Variants in CHRNA7 observed in about 807,000 individuals in gnomAD.
CHRNA7 encodes the protein neuronal acetylcholine receptor subunit alpha-7.
A neutral mutation model predicts 48.0 loss-of-function variants in CHRNA7; 17 were observed. The ratio of observed to expected loss-of-function variants is 0.35; its 90% CI spans 0.24 to 0.53. The LOEUF is 0.53. Ranked by LOEUF, CHRNA7 falls within the 20% of genes least tolerant of loss-of-function variation. The probability of loss-of-function intolerance (pLI) is 0.92; values close to 1 mark genes in which losing one functional copy is unlikely to be tolerated. For synonymous variants in CHRNA7, 75 were observed against 242.3 expected (o/e 0.31, Z 6.41); for missense variants, 155 against 577.7 (o/e 0.27, Z 7.50).
intron 2 of CHRNA7, among the ~76,000 whole-genome samples, chr15:32,083,731 A>G (rs527242394): frequency 2.0e-5 from 3 of 152,346 alleles, no homozygotes; most frequent in Admixed American, 2.0e-4. Flanking sequence ...CTCATATATA[A>G]CAAAAGGTCA....
At chr15:32,100,080 C>T (rs181143000) in intron 2 of CHRNA7, 2 of 152,340 alleles carry the variant, frequency 1.3e-5, no homozygotes, top group Admixed American at 1.3e-4. Context: ...TCCCTGTCAA[C>T]TGCTTACATG....
chr15:32,124,476 G>C (rs576758367), intron 4 of CHRNA7, among the ~76,000 whole-genome samples: 2 of 152,036 alleles, frequency 1.3e-5, no homozygotes, highest in East Asian at 1.9e-4. Context: ...ATAAAACAGT[G>C]GTTAAAACTA....
intron 2 of CHRNA7, among the ~76,000 whole-genome samples, chr15:32,072,758 A>G (rs969237242): frequency 1.3e-5 from 2 of 152,248 alleles, no homozygotes. Context: ...TTCAGAGAAC[A>G]TAAGCCGTAA....
chr15:32,077,898 G>A (rs981600248), intron 2 of CHRNA7, among the ~76,000 whole-genome samples: 16 of 152,140 alleles, frequency 1.1e-4, no homozygotes, highest in Admixed American at 5.9e-4. Context: ...TAAAACAGTG[G>A]TAACTCATTA....
At chr15:32,137,721 T>G (rs1013832701) in intron 4 of CHRNA7, among the ~76,000 whole-genome samples, 1 of 152,240 alleles carries the variant, frequency 6.6e-6, no homozygotes, top group African/African-American at 2.4e-5. Flanking sequence ...TAAAAACATT[T>G]AGCATGTGTG....
At chr15:32,087,492 T>C (rs1030464782) in intron 2 of CHRNA7, among the ~76,000 whole-genome samples, 3 of 152,206 alleles carry the variant, frequency 2.0e-5, no homozygotes, top group African/African-American at 4.8e-5. Flanking sequence ...TTCATTGCCA[T>C]TGGGGCGTCA....
chr15:32,037,139 T>C (rs1478653950), intron 2 of CHRNA7, among the ~76,000 whole-genome samples: 1 of 152,200 alleles, frequency 6.6e-6, no homozygotes, highest in Non-Finnish European at 1.5e-5. Context: ...CATTTATCTT[T>C]TTGCATGTGA....
At chr15:32,139,258 A>G (rs1025389219) in intron 4 of CHRNA7, among the ~76,000 whole-genome samples, 4 of 152,166 alleles carry the variant, frequency 2.6e-5, no homozygotes, top group African/African-American at 4.8e-5. Flanking sequence ...CAGTTAGTTT[A>G]TCCATTTCAC....
chr15:32,052,392 C>T (rs938238854), intron 2 of CHRNA7, among the ~76,000 whole-genome samples: 3 of 152,058 alleles, frequency 2.0e-5, no homozygotes, highest in Non-Finnish European at 4.4e-5. Context: ...TTACCAGTGA[C>T]TGGGAAGACA....
chr15:32,096,848 A>G (rs1023430061), intron 2 of CHRNA7, among the ~76,000 whole-genome samples: 1 of 152,204 alleles, frequency 6.6e-6, no homozygotes, highest in African/African-American at 2.4e-5. Context: ...CTCTCAACTG[A>G]AGAGCTCAGA....
chr15:32,097,341 A>T (rs770662376), intron 2 of CHRNA7, among the ~76,000 whole-genome samples: 9 of 152,054 alleles, frequency 5.9e-5, no homozygotes, highest in Non-Finnish European at 1.0e-4. Flanking sequence ...CTAAATGCAT[A>T]TGTTGAGATC....
intron 4 of CHRNA7, among the ~76,000 whole-genome samples, chr15:32,138,792 C>T (rs1336921076): frequency 7.0e-5 from 9 of 128,606 alleles, no homozygotes; most frequent in Non-Finnish European, 1.1e-4. Context: ...ATCGCTCTGT[C>T]GCCCAGGCTG....
chr15:32,042,489 T>C (rs1440767930), intron 2 of CHRNA7, among the ~76,000 whole-genome samples: 2 of 152,206 alleles, frequency 1.3e-5, no homozygotes. Context: ...TGTGGGAACC[T>C]GGTAGAGCTT....
chr15:32,140,461 G>A (rs1027221730), intron 4 of CHRNA7, among the ~76,000 whole-genome samples: 6 of 152,150 alleles, frequency 3.9e-5, no homozygotes, highest in Non-Finnish European at 2.9e-5. Context: ...TGGGTCAAAT[G>A]GTATTTCTAG....
intron 2 of CHRNA7, among the ~76,000 whole-genome samples, chr15:32,064,567 T>C (rs2141209138): frequency 6.6e-6 from 1 of 152,098 alleles, no homozygotes; most frequent in South Asian, 2.1e-4. Context: ...GGTGGTGATG[T>C]TGGAGAAGTG....
At chr15:32,103,984 T>C (rs1489128677) in intron 3 of CHRNA7, among the ~76,000 whole-genome samples, 3 of 152,124 alleles carry the variant, frequency 2.0e-5, no homozygotes, top group Non-Finnish European at 4.4e-5. Context: ...GGGTGTCATC[T>C]CTCACCTCCA....
rs188164539 is a variant in CHRNA7, at chr15:32,111,736, G to A, written c.241-54G>A. ...GCACTTACCTAATAATCGCTTATGA[G>A]AAATATTAGTAGCCAAGGAAGTGAA... On this transcript the variant is annotated intron_variant, in intron 3 of 9. Coordinates refer to ENST00000306901, the MANE Select transcript of CHRNA7 (RefSeq NM_000746.6). 3.5e-5 allele frequency: 37 copies of A among 1,065,742 alleles called. No individual in the cohort carries two copies. In the East Asian group the frequency reaches 5.4e-4, roughly 15 times the overall value. The allele number at this position is 1,065,742 out of a possible 1,614,324, so 66.0% of individuals were successfully genotyped here.
rs1309585694 is a variant in CHRNA7 at position 32,129,231 on chromosome 15, AT to A, written c.350+17338del. 2.0e-5 allele frequency among the ~76,000 whole-genome samples: 3 copies of A among 151,748 alleles called. No homozygotes were observed. In the South Asian group the frequency reaches 6.2e-4, roughly 32 times the overall value. On this transcript the variant is annotated intron_variant, in intron 4 of 9. Coordinates refer to ENST00000306901, the MANE Select transcript of CHRNA7 (RefSeq NM_000746.6). ...GTAGTTTTTGTTTTGCATTTTATAA[AT>A]TTTTTCTACTGTCTTTGTCTAGTTT...
chr15:32,061,806 T>A (rs1187490931), intron 2 of CHRNA7, among the ~76,000 whole-genome samples: 2 of 151,964 alleles, frequency 1.3e-5, no homozygotes, highest in Non-Finnish European at 2.9e-5. Context: ...AGACTTCATC[T>A]AAAAAACAAC....
Sources: gnomAD v4.1 joint callset for allele counts (sites outside exome capture counted in the v4.1 genomes callset) on GRCh38, gnomAD v4.1.1 for gene constraint, MANE v1.5 for transcripts, NCBI Gene and HGNC (gene_info 2026-07-23, HGNC 2026-07-21) for gene names.